Variants in SMOC1 observed in about 807,000 individuals in gnomAD.
The protein encoded by SMOC1 is SPARC-related modular calcium-binding protein 1.
Under a neutral mutation model 56.3 loss-of-function variants are expected in SMOC1, and 22 were observed. The ratio of observed to expected loss-of-function variants is 0.39; its 90% CI spans 0.28 to 0.56. The LOEUF is 0.56. Ranked by LOEUF, SMOC1 falls within the 20% of genes least tolerant of loss-of-function variation. The pLI is 0.61. For missense variants in SMOC1, 509 were observed against 565.4 expected, an observed-to-expected ratio of 0.90 and a Z score of 1.01; for synonymous variants, 193 against 215.0, an observed-to-expected ratio of 0.90 and a Z score of 0.89.
At chr14:69,981,822 C>T (rs1884189349) in intron 5 of SMOC1, among the ~76,000 whole-genome samples, 1 of 152,140 alleles carries the variant, frequency 6.6e-6, no homozygotes, top group African/African-American at 2.4e-5. Context: ...TGATGTGACT[C>T]TTTTTGGGGT....
rs1420159978 is a variant in SMOC1 at position 70,032,141 on chromosome 14, A to C, written c.*1883A>C. On this transcript the variant is annotated 3_prime_UTR_variant, in exon 12 of 12. Transcript: ENST00000361956. ...GAGAGAACTCAACGTGCCGGAGCTG[A>C]GTGGGCCTTGCACGAGACACTGGCC... is the stretch of plus-strand genomic sequence containing the variant. 6.6e-6 allele frequency: 1 copy of C among 152,294 alleles called. No individual in the cohort carries two copies. Among genetic ancestry groups the C allele is most frequent in the Non-Finnish European group, 1.5e-5 (1 of 68,066 alleles). The allele number at this position is 152,294 out of a possible 1,614,324, so 9.4% of individuals were successfully genotyped here.
chr14:69,879,608 G>T lies in SMOC1; in HGVS notation c.-71G>T. On this transcript the variant is annotated 5_prime_UTR_variant, in exon 1 of 12. The change creates a premature stop within an existing upstream ORF in the 5' untranslated region. Transcript: ENST00000361956. The stretch of plus-strand genomic sequence containing the variant: ...GAGGGCCCCGAGCGAAGGAAGGAAG[G>T]GAGGCGCGCTGTGCGCCCCGCGGAG... 1 of 1,230,306 alleles carries T rather than the reference G, an allele frequency of 8.1e-7. No homozygotes were observed. The highest frequency in any genetic ancestry group is 1.1e-6 in the Non-Finnish European group (1 of 946,654). The allele number at this position is 1,230,306 out of a possible 1,614,324, so 76.2% of individuals were successfully genotyped here.
At chr14:69,917,941 A>G (rs571316779) in intron 1 of SMOC1, among the ~76,000 whole-genome samples, 1 of 152,116 alleles carries the variant, frequency 6.6e-6, no homozygotes, top group East Asian at 1.9e-4. Context: ...AAAAAATACA[A>G]CCTGCTTCAC....
Position 69,986,706 on chromosome 14 carries a change from T to G in SMOC1, c.527-5711T>G, listed in dbSNP as rs145140230. On this transcript the variant is annotated intron_variant, in intron 5 of 11. Coordinates refer to ENST00000361956, the MANE Select transcript of SMOC1 (RefSeq NM_001034852.3). ...CTGCTGCCGGTGCTTCCTCTTCCTC[T>G]TCTGTCCCCAGTTTGCCTTTTCCCC... Among the ~76,000 whole-genome samples, 277 of 152,338 alleles carry G rather than the reference T, an allele frequency of 1.8e-3. 1 individual carries two copies. The highest frequency in any genetic ancestry group is 6.5e-3 in the African/African-American group (270 of 41,578).
At chr14:69,913,466 G>GTA (rs1180794482) in intron 1 of SMOC1, among the ~76,000 whole-genome samples, 1 of 152,056 alleles carries the variant, frequency 6.6e-6, no homozygotes, top group Non-Finnish European at 1.5e-5. Flanking sequence ...GTGTGTGTGT[G>GTA]TGTGTGCGTG....
chr14:69,929,986 C>T (rs1031669836), intron 1 of SMOC1, among the ~76,000 whole-genome samples: 10 of 152,110 alleles, frequency 6.6e-5, no homozygotes, highest in African/African-American at 2.4e-4. Context: ...GAGTTCGGCC[C>T]CACATCTGTG....
intron 7 of SMOC1, 95 bp downstream of exon 7, chr14:69,994,575 T>C: frequency 1.0e-6 from 1 of 979,596 alleles, no homozygotes. Flanking sequence ...GGAAAAATCA[T>C]TTAATCTGTC....
chr14:69,976,649 A>G (rs932764071), intron 4 of SMOC1, among the ~76,000 whole-genome samples: 1 of 152,206 alleles, frequency 6.6e-6, no homozygotes, highest in East Asian at 1.9e-4. Flanking sequence ...TTCAGATGGT[A>G]AAAGACTCTG....
intron 1 of SMOC1, among the ~76,000 whole-genome samples, chr14:69,920,244 T>C (rs778581151): frequency 2.0e-5 from 3 of 152,220 alleles, no homozygotes; most frequent in African/African-American, 4.8e-5. Flanking sequence ...AGGTCTTTGC[T>C]ATGGCTGACC....
At chr14:69,971,633 A>G (rs911644142) in intron 3 of SMOC1, among the ~76,000 whole-genome samples, 3 of 152,200 alleles carry the variant, frequency 2.0e-5, no homozygotes, top group Non-Finnish European at 4.4e-5. Context: ...TCTTAGGGAA[A>G]AAGGAAGGGT....
Position 69,952,743 on chromosome 14 carries a change from T to G in SMOC1, c.265+440T>G, listed in dbSNP as rs556466618. On this transcript the variant is annotated intron_variant, in intron 2 of 11. Coordinates refer to ENST00000361956, the MANE Select transcript of SMOC1 (RefSeq NM_001034852.3). ...AGAAAAAAAATCTGGCTTTTTGTCC[T>G]TCTTTTCCAAAATTGGAAGGTCTGG... Among the ~76,000 whole-genome samples the G allele has an allele frequency of 2.2e-3, 328 of 152,342 alleles. 1 individual carries two copies. The highest frequency in any genetic ancestry group is 3.9e-3 in the Admixed American group (60 of 15,306).
At chr14:70,004,978 G>A (rs1885099537) in intron 7 of SMOC1, among the ~76,000 whole-genome samples, 1 of 152,172 alleles carries the variant, frequency 6.6e-6, no homozygotes, top group African/African-American at 2.4e-5. Context: ...AGCATAGCTG[G>A]TCTACCAATA....
At chr14:69,910,555 C>A (rs897526878) in intron 1 of SMOC1, among the ~76,000 whole-genome samples, 8 of 151,974 alleles carry the variant, frequency 5.3e-5, no homozygotes, top group Admixed American at 6.6e-5. Flanking sequence ...TTATTTCATG[C>A]CAGAGAATGT....
intron 1 of SMOC1, among the ~76,000 whole-genome samples, chr14:69,937,243 G>C (rs79378299): frequency 0.026 from 3,950 of 152,266 alleles, 60 homozygotes; most frequent in African/African-American, 0.028. Flanking sequence ...AAGTGCAAAA[G>C]CAAGGGTCTC....
chr14:69,962,294 C>T (rs1468921772), intron 3 of SMOC1, among the ~76,000 whole-genome samples: 1 of 151,822 alleles, frequency 6.6e-6, no homozygotes, highest in East Asian at 2.0e-4. Flanking sequence ...TCTGGAATTG[C>T]TGGGATTATA....
At chr14:69,984,965 C>A (rs138898710) in intron 5 of SMOC1, among the ~76,000 whole-genome samples, 1 of 151,854 alleles carries the variant, frequency 6.6e-6, no homozygotes, top group African/African-American at 2.4e-5. Context: ...TTACTTGAAC[C>A]CAGGAGGTGG....
At chr14:69,925,639 C>T (rs546132207) in intron 1 of SMOC1, among the ~76,000 whole-genome samples, 4 of 152,280 alleles carry the variant, frequency 2.6e-5, no homozygotes, top group East Asian at 1.9e-4. Context: ...TCTCCGTCTC[C>T]GGCACTAAGA....
At chr14:69,964,700 C>T (rs1883504607) in intron 3 of SMOC1, among the ~76,000 whole-genome samples, 1 of 152,134 alleles carries the variant, frequency 6.6e-6, no homozygotes. Context: ...AACAACACCA[C>T]CACTTTCTTA....
chr14:69,953,143 T>C (rs1406961072), intron 2 of SMOC1, among the ~76,000 whole-genome samples: 1 of 130,280 alleles, frequency 7.7e-6, no homozygotes, highest in Non-Finnish European at 1.7e-5. Context: ...ATCATGGAAC[T>C]AAAACATTTT....
Sources: allele counts gnomAD v4.1 joint callset (sites outside exome capture counted in the v4.1 genomes callset), GRCh38; gene constraint gnomAD v4.1.1; transcripts MANE v1.5; gene names NCBI Gene and HGNC (gene_info 2026-07-23, HGNC 2026-07-21).